The following ZNF385D variants were observed in gnomAD, a reference collection of about 807,000 sequenced individuals.
ZNF385D encodes the protein zinc finger protein 659.
Under a neutral mutation model 35.8 loss-of-function variants are expected in ZNF385D, and 15 were observed. That is an observed-to-expected ratio of 0.42 (90% CI 0.28 to 0.64). ZNF385D has a LOEUF of 0.64. ZNF385D is among the 30% of genes least tolerant of loss of function. ZNF385D has a pLI of 0.23. For synonymous variants in ZNF385D, 212 were observed against 186.8 expected, an observed-to-expected ratio of 1.13 and a Z score of -1.10; for missense variants, 474 against 494.6, an observed-to-expected ratio of 0.96 and a Z score of 0.39.
intron 3 of ZNF385D, among the ~76,000 whole-genome samples, chr3:21,838,499 C>T (rs1695465272): frequency 6.6e-6 from 1 of 151,936 alleles, no homozygotes; most frequent in Non-Finnish European, 1.5e-5. Flanking sequence ...GACCTTTTTG[C>T]CTAGAATATC....
intron 3 of ZNF385D, among the ~76,000 whole-genome samples, chr3:21,557,569 T>C (rs1446083989): frequency 6.6e-6 from 1 of 152,202 alleles, no homozygotes; most frequent in African/African-American, 2.4e-5. Flanking sequence ...GTTTCGCCAG[T>C]ATTTTATTGA....
chr3:21,671,386 T>A (rs1169444707), intron 1 of ZNF385D, among the ~76,000 whole-genome samples: 1 of 152,184 alleles, frequency 6.6e-6, no homozygotes, highest in African/African-American at 2.4e-5. Flanking sequence ...CTGTAGTTAA[T>A]GGAATTGGCC....
chr3:22,049,659 T>C (rs1699225565), intron 3 of ZNF385D, among the ~76,000 whole-genome samples: 2 of 152,232 alleles, frequency 1.3e-5, no homozygotes, highest in South Asian at 2.1e-4. Flanking sequence ...ACTTATCATA[T>C]ATGGCCTTTA....
chr3:21,520,811 A>C (rs894761115), intron 3 of ZNF385D, among the ~76,000 whole-genome samples: 1 of 152,230 alleles, frequency 6.6e-6, no homozygotes, highest in African/African-American at 2.4e-5. Flanking sequence ...AAATATGCAC[A>C]TAAAAATGTT....
At chr3:21,720,372 C>T (rs142755538) in intron 1 of ZNF385D, among the ~76,000 whole-genome samples, 2 of 152,120 alleles carry the variant, frequency 1.3e-5, no homozygotes, top group East Asian at 1.9e-4. Flanking sequence ...TGGGCAACAT[C>T]GTGAGACCCT....
chr3:22,047,453 G>A (rs148814069), intron 3 of ZNF385D, among the ~76,000 whole-genome samples: 39 of 152,128 alleles, frequency 2.6e-4, no homozygotes, highest in African/African-American at 8.9e-4. Context: ...CTGCTTCTGT[G>A]AGTTAAATTT....
At chr3:22,064,010 A>G (rs1287261733) in intron 3 of ZNF385D, among the ~76,000 whole-genome samples, 2 of 152,192 alleles carry the variant, frequency 1.3e-5, no homozygotes, top group East Asian at 1.9e-4. Flanking sequence ...CCATCTCAGA[A>G]TTTGCTTCCC....
chr3:21,430,024 G>A (rs1328382193), intron 5 of ZNF385D, among the ~76,000 whole-genome samples: 1 of 151,818 alleles, frequency 6.6e-6, no homozygotes, highest in African/African-American at 2.4e-5. Flanking sequence ...CTACGTACCT[G>A]GAATGTGTAA....
intron 3 of ZNF385D, among the ~76,000 whole-genome samples, chr3:22,050,198 TAAA>T (rs1169509467): frequency 2.9e-5 from 4 of 139,166 alleles, no homozygotes; most frequent in Non-Finnish European, 1.6e-5. Flanking sequence ...AGATTGGGTT[TAAA>T]AAAAAAAAAA....
chr3:21,713,304 T>C (rs1365989226), intron 1 of ZNF385D, among the ~76,000 whole-genome samples: 4 of 152,176 alleles, frequency 2.6e-5, no homozygotes, highest in East Asian at 3.9e-4. Flanking sequence ...CAGAAGTAAA[T>C]TGAGAGCCCA....
intron 1 of ZNF385D, among the ~76,000 whole-genome samples, chr3:21,734,216 G>A (rs1372225125): frequency 6.6e-6 from 1 of 151,432 alleles, no homozygotes; most frequent in Non-Finnish European, 1.5e-5. Flanking sequence ...ACTGATTCCT[G>A]GGCTCTATCC....
intron 3 of ZNF385D, among the ~76,000 whole-genome samples, chr3:21,840,823 T>G (rs2670275): frequency 0.25 from 38,351 of 151,972 alleles, 5,164 homozygotes; most frequent in African/African-American, 0.34. Flanking sequence ...CTACATATAC[T>G]TATTATATTG....
intron 3 of ZNF385D, among the ~76,000 whole-genome samples, chr3:21,859,911 G>A (rs1696955085): frequency 6.6e-6 from 1 of 151,962 alleles, no homozygotes; most frequent in Admixed American, 6.6e-5. Flanking sequence ...TAACTTCCCC[G>A]GGACAGGGAG....
intron 1 of ZNF385D, among the ~76,000 whole-genome samples, chr3:21,730,565 T>C (rs12489188): frequency 0.57 from 86,685 of 152,090 alleles, 26,160 homozygotes; most frequent in Admixed American, 0.7. Context: ...CACTGTCTAA[T>C]GCTAACGATA....
chr3:21,466,935 G>T (rs900290180), intron 4 of ZNF385D, among the ~76,000 whole-genome samples: 6 of 152,082 alleles, frequency 3.9e-5, no homozygotes, highest in African/African-American at 1.4e-4. Flanking sequence ...ACTTTGAGCT[G>T]GAGAGAAGAA....
chr3:21,646,947 A>G lies in ZNF385D; in HGVS notation c.165+17939T>C, dbSNP rs1337996425. 2.0e-5 allele frequency among the ~76,000 whole-genome samples: 3 copies of G among 152,168 alleles called. No individual in the cohort carries two copies. The highest frequency in any genetic ancestry group is 7.2e-5 in the African/African-American group (3 of 41,444). ...GTCCAAAGTTATTCTCTACTCCATCATTTATTCTAAGCTGCCAGTGATCTT... is the reference window on the plus strand; with the variant it reads ...GTCCAAAGTTATTCTCTACTCCATCGTTTATTCTAAGCTGCCAGTGATCTT... On this transcript the variant is annotated intron_variant, in intron 2 of 7. Coordinates refer to ENST00000281523, the MANE Select transcript of ZNF385D (RefSeq NM_024697.3). This position sits in a 1 kb window ranked among gnomAD's most constrained non-coding sequence, Gnocchi z 4.3.
intron 3 of ZNF385D, among the ~76,000 whole-genome samples, chr3:22,112,715 G>T (rs550024631): frequency 6.6e-6 from 1 of 152,084 alleles, no homozygotes; most frequent in Admixed American, 6.6e-5. Context: ...ACACATAGAA[G>T]ATGAAGAGTC....
At chr3:22,127,866 T>C (rs567453615) in intron 3 of ZNF385D, among the ~76,000 whole-genome samples, 1 of 152,290 alleles carries the variant, frequency 6.6e-6, no homozygotes, top group Admixed American at 6.5e-5. Flanking sequence ...TCTTTAAAAG[T>C]TGTAGTTATT....
chr3:21,667,710 C>G (rs1390430884), intron 1 of ZNF385D, among the ~76,000 whole-genome samples: 1 of 152,186 alleles, frequency 6.6e-6, no homozygotes, highest in Non-Finnish European at 1.5e-5. Context: ...AAGTCCTCCT[C>G]TGGTTTAGGG....
Sources: allele counts gnomAD v4.1 joint callset (sites outside exome capture counted in the v4.1 genomes callset), GRCh38; gene constraint gnomAD v4.1.1; non-coding constraint Gnocchi (gnomAD v3.1); transcripts MANE v1.5; gene names NCBI Gene and HGNC (gene_info 2026-07-23, HGNC 2026-07-21).